Variants in THYN1 observed in about 807,000 individuals in gnomAD.
THYN1 encodes the protein thymocyte protein thy28.
In THYN1, 32 loss-of-function variants were observed where a neutral mutation model predicts 30.6. The observed-to-expected ratio is 1.05, with a 90% CI of 0.79 to 1.40. The LOEUF (loss-of-function observed/expected upper bound fraction) is 1.40. Among genes scored for constraint, THYN1 ranks in the 40% most tolerant of loss-of-function variants. The pLI, the probability that THYN1 is intolerant of heterozygous loss-of-function variation, is 0.00. For synonymous variants in THYN1, 107 were observed against 90.8 expected (o/e 1.18, Z -1.01); for missense variants, 259 against 272.6 (o/e 0.95, Z 0.35).
In THYN1 at chr11:134,248,826, A is replaced by G. The variant is rs1410734167; in HGVS notation, c.614T>C (p.Ile205Thr). 1 of 1,614,186 alleles carries G rather than the reference A, an allele frequency of 6.2e-7. No individual in the cohort carries two copies. The highest frequency in any genetic ancestry group is 8.5e-7 in the Non-Finnish European group (1 of 1,180,032). The change falls in exon 6 of 7, where the codon ATC (isoleucine) becomes ACC (threonine). Residue 205 changes from isoleucine (I) to threonine (T), a missense_variant. Transcript: ENST00000341541. ...ACTCTTACCCTGGGTCAGGGGCTGG[A>G]TTGATAATCTCTGGCGAGTGAAGAG... Reference protein sequence around the residue: ...MVLFTRQRLSIQPLTQEEFDF... With the variant: ...MVLFTRQRLSTQPLTQEEFDF...
intron 6 of THYN1, 26 bp downstream of exon 6, chr11:134,248,783 C>T (rs925962058): frequency 6.2e-7 from 1 of 1,613,042 alleles, no homozygotes; most frequent in Non-Finnish European, 8.5e-7. Flanking sequence ...GGTATATGGA[C>T]AATAAAGGAG....
In THYN1 at chr11:134,252,784, C is replaced by G; in HGVS notation, c.43+56G>C. 5 of 1,601,364 alleles carry G rather than the reference C, an allele frequency of 3.1e-6. No homozygotes were observed. The South Asian group carries it at 4.4e-5, about 14-fold the overall frequency. ...GAGTGAAAAATGAGTACTAAACAGG[C>G]TCTTCGAGAAAAGTTTTTTCTTGGG... On this transcript the variant is annotated intron_variant, in intron 1 of 6. Transcript: ENST00000341541.
intron 1 of THYN1, 88 bp downstream of exon 1, chr11:134,252,752 A>C: frequency 6.9e-7 from 1 of 1,453,026 alleles, no homozygotes; most frequent in Non-Finnish European, 9.6e-7. Context: ...GGTTCTCAAA[A>C]AGCAGGGAGT....
Position 134,250,290 on chromosome 11 carries a change from A to G in THYN1, c.276T>C (p.Gly92=), listed in dbSNP as rs977841004. Residue 92 remains glycine, a synonymous_variant, in exon 3 of 7, where the codon GGT becomes GGC. Transcript: ENST00000341541. ...ACCCTCTTACCTGGTAGTTACGAAC[A>G]CCATCCCAGCATGTTGTCTGTTTGG... is the stretch of plus-strand genomic sequence containing the variant. ...AQPKQTTCWD[G]VRNYQARNFL... 10 of 1,614,072 alleles carry G rather than the reference A, an allele frequency of 6.2e-6. No individual in the cohort carries two copies. The highest frequency in any genetic ancestry group is 1.7e-5 in the Admixed American group (1 of 60,006).
At chr11:134,249,393 G>A (rs1938940137) in intron 4 of THYN1, 131 bp from the exon 5 acceptor site, 1 of 800,248 alleles carries the variant, frequency 1.2e-6, no homozygotes, top group African/African-American at 1.7e-5. Flanking sequence ...CAGCCAATGG[G>A]GGCTCAGATA....
In THYN1 at chr11:134,253,324, G is replaced by A. The variant is rs1341787946; in HGVS notation, c.-442C>T. 3 of 1,401,382 alleles carry A rather than the reference G, an allele frequency of 2.1e-6. No individual in the cohort carries two copies. The highest frequency in any genetic ancestry group is 2.8e-6 in the Non-Finnish European group (3 of 1,078,876). 86.8% of individuals were successfully genotyped at this position (1,401,382 alleles called of 1,614,324 possible). A position where few individuals can be genotyped will look rare whatever the true frequency, so the allele number is the denominator to read the frequency against. ...CCAACACTCTGCAGACTCGACTGCG[G>A]TCCGCCTCCGCTGCGCCGCAGGCTG... On this transcript the variant is annotated 5_prime_UTR_variant, in exon 1 of 7. Coordinates refer to ENST00000341541, the MANE Select transcript of THYN1 (RefSeq NM_014174.3).
At position 134,250,359 on chromosome 11, in the gene THYN1, T is replaced by G. The variant is rs768654670; in HGVS notation, c.223-16A>C. 6.2e-7 allele frequency: 1 copy of G among 1,614,058 alleles called. No individual in the cohort carries two copies. The highest frequency in any genetic ancestry group is 8.5e-7 in the Non-Finnish European group (1 of 1,179,940). Reference sequence around the variant, plus strand: ...CAATGCTGAACTAGGCAAGAGGAAATAAATTCAATCATTAAACAATCCTTG... The same window carrying G: ...CAATGCTGAACTAGGCAAGAGGAAAGAAATTCAATCATTAAACAATCCTTG... On this transcript the variant is annotated splice_polypyrimidine_tract_variant and intron_variant, in intron 2 of 6. Transcript: ENST00000341541.
chr11:134,252,794 A>G (rs756308476), intron 1 of THYN1, 46 bp downstream of exon 1: 4 of 1,611,850 alleles, frequency 2.5e-6, no homozygotes, highest in African/African-American at 1.3e-5. Flanking sequence ...CTCTTCGAGA[A>G]AAGTTTTTTC....
intron 4 of THYN1, 132 bp from the exon 5 acceptor site, chr11:134,249,394 G>A: frequency 1.3e-6 from 1 of 791,872 alleles, no homozygotes; most frequent in Non-Finnish European, 2.1e-6. Flanking sequence ...AGCCAATGGG[G>A]GCTCAGATAT....
chr11:134,251,505 C>A, intron 1 of THYN1, 197 bp from the exon 2 acceptor site: 1 of 606,168 alleles, frequency 1.6e-6, no homozygotes. Flanking sequence ...AGGGTATCTT[C>A]TGGATTATCT....
chr11:134,248,677 C>T, intron 6 of THYN1, 132 bp downstream of exon 6: 6 of 1,404,458 alleles, frequency 4.3e-6, no homozygotes, highest in Admixed American at 2.0e-5. Context: ...CATTCCCTCC[C>T]TCATGGGTGT....
chr11:134,252,153 T>A (rs1167976700), intron 1 of THYN1, among the ~76,000 whole-genome samples: 1 of 152,196 alleles, frequency 6.6e-6, no homozygotes, highest in African/African-American at 2.4e-5. Context: ...AGTCCCTACA[T>A]CAATTGTCAT....
At chr11:134,249,019 T>A (rs1938919097) in intron 5 of THYN1, 60 bp from the exon 6 acceptor site, 1 of 1,600,556 alleles carries the variant, frequency 6.2e-7, no homozygotes, top group Non-Finnish European at 8.6e-7. Flanking sequence ...GCCCACTGTA[T>A]TTTTAACCGC....
chr11:134,252,820 G>A lies in THYN1; in HGVS notation c.43+20C>T, dbSNP rs1939171709. On this transcript the variant is annotated intron_variant, in intron 1 of 6. Coordinates refer to ENST00000341541, the MANE Select transcript of THYN1 (RefSeq NM_014174.3). The stretch of plus-strand genomic sequence containing the variant: ...AAGTTTTTTCTTGGGCTGCCTTTGT[G>A]CAGCCTAGGGGCAGCTCACCTGAAC... The A allele has an allele frequency of 2.5e-6, 4 of 1,613,604 alleles. No individual in the cohort carries two copies. The highest frequency in any genetic ancestry group is 1.1e-5 in the South Asian group (1 of 91,058).
Position 134,248,812 on chromosome 11 carries a change from G to T in THYN1, c.628C>A (p.Gln210Lys). ...RQRLSIQPLT[Q>K]EEFDFVLSLE... ...AAAGGAGAGGGCCCACTCTTACCCT[G>T]GGTCAGGGGCTGGATTGATAATCTC... Residue 210 changes from glutamine (Q) to lysine (K), a missense_variant, in exon 6 of 7, where the codon CAG (glutamine) becomes AAG (lysine). Physicochemically the swap from Gln to Lys is moderately conservative, Grantham distance 53 (BLOSUM62 1). Coordinates refer to ENST00000341541, the MANE Select transcript of THYN1 (RefSeq NM_014174.3). 6.2e-7 allele frequency: 1 copy of T among 1,614,098 alleles called. No individual in the cohort carries two copies. The highest frequency in any genetic ancestry group is 1.7e-5 in the Admixed American group (1 of 60,020).
At chr11:134,252,010 T>C (rs1939090780) in intron 1 of THYN1, 1 of 152,226 alleles carries the variant, frequency 6.6e-6, no homozygotes, top group African/African-American at 2.4e-5. Context: ...TGTGAGATGT[T>C]CTACTCTTCA....
rs776563804 is a variant in THYN1, at chr11:134,251,233, G to A, written c.119C>T (p.Pro40Leu). ...GTTTTTAGTGGCTGAAGTCTTCTGA[G>A]GGTTGGAGTCCTCCACTTTAGCTAA... is the stretch of plus-strand genomic sequence containing the variant. ...EALAKVEDSNPQKTSATKNCL... is the reference protein window; with the variant it reads ...EALAKVEDSNLQKTSATKNCL... Residue 40 changes from proline (P) to leucine (L), a missense_variant, in exon 2 of 7, where the codon CCT (proline) becomes CTT (leucine). Transcript: ENST00000341541. 7 of 1,614,190 alleles carry A rather than the reference G, an allele frequency of 4.3e-6. No homozygotes were observed. Among genetic ancestry groups the A allele is most frequent in the Non-Finnish European group, 5.9e-6 (7 of 1,180,024 alleles).
At chr11:134,251,061 T>G in intron 2 of THYN1, 69 bp downstream of exon 2, 22 of 1,464,106 alleles carry the variant, frequency 1.5e-5, no homozygotes, top group Non-Finnish European at 2.0e-5. Context: ...TGGAACCCTA[T>G]GGTGTCCCAT....
chr11:134,250,667 G>C (rs1030777804), intron 2 of THYN1, among the ~76,000 whole-genome samples: 1 of 152,294 alleles, frequency 6.6e-6, no homozygotes. Flanking sequence ...TAAATTCCCT[G>C]AAATATACAT....
Sources: allele counts gnomAD v4.1 joint callset (sites outside exome capture counted in the v4.1 genomes callset), GRCh38; gene constraint gnomAD v4.1.1; transcripts MANE v1.5; gene names NCBI Gene and HGNC (gene_info 2026-07-23, HGNC 2026-07-21).